FHIT: variants seen among roughly 807,000 people sequenced by gnomAD.
FHIT encodes the protein fragile histidine triad diadenosine triphosphatase, also known as bis(5'-adenosyl)-triphosphatase.
FHIT carries 19 observed loss-of-function variants against 17.9 expected under a neutral mutation model. That is an observed-to-expected ratio of 1.06 (90% CI 0.74 to 1.56). FHIT has a LOEUF of 1.56. Ranked by LOEUF, FHIT falls within the 40% of genes most tolerant of loss-of-function variation. FHIT has a pLI of 0.00. For synonymous variants in FHIT, 81 were observed against 69.7 expected, an observed-to-expected ratio of 1.16 and a Z score of -0.81; for missense variants, 248 against 189.2, an observed-to-expected ratio of 1.31 and a Z score of -1.82.
intron 4 of FHIT, among the ~76,000 whole-genome samples, chr3:60,673,603 T>C (rs1553694559): frequency 2.6e-5 from 4 of 152,048 alleles, no homozygotes; most frequent in Non-Finnish European, 5.9e-5. Flanking sequence ...GATGGTTTGA[T>C]AGGTACAGCA....
chr3:60,151,269 T>C (rs1246162045), intron 5 of FHIT, among the ~76,000 whole-genome samples: 1 of 152,216 alleles, frequency 6.6e-6, no homozygotes, highest in Admixed American at 6.5e-5. Flanking sequence ...TCATGTGATA[T>C]GACTTTATCA....
chr3:60,062,469 A>G (rs964260535), intron 5 of FHIT, among the ~76,000 whole-genome samples: 1 of 152,204 alleles, frequency 6.6e-6, no homozygotes, highest in South Asian at 2.1e-4. Flanking sequence ...ATCCATTAAG[A>G]ATTATCTCCT....
chr3:60,886,226 A>G (rs1055681930), intron 3 of FHIT, among the ~76,000 whole-genome samples: 17 of 152,244 alleles, frequency 1.1e-4, no homozygotes, highest in African/African-American at 4.1e-4. Context: ...AAATAGGCCA[A>G]TTGCCAAGCA....
intron 5 of FHIT, among the ~76,000 whole-genome samples, chr3:60,298,918 G>GA (rs1250679771): frequency 4.6e-5 from 7 of 152,096 alleles, no homozygotes; most frequent in African/African-American, 7.2e-5. Flanking sequence ...CAGTGCCAGG[G>GA]ACAGGACCCC....
rs1376735000 is a variant in FHIT, at chr3:59,825,962, G to A, written c.349-73641C>T. ...CATTTATAGTAATGTCCCTAAGGCTGCTTTCTTGCTAAAAATAAGGAATAT... is the reference window on the plus strand; with the variant it reads ...CATTTATAGTAATGTCCCTAAGGCTACTTTCTTGCTAAAAATAAGGAATAT... On this transcript the variant is annotated intron_variant, in intron 8 of 9. Coordinates refer to ENST00000492590, the MANE Select transcript of FHIT (RefSeq NM_002012.4). Among the ~76,000 whole-genome samples the A allele has an allele frequency of 3.9e-5, 6 of 152,146 alleles. No homozygotes were observed. In the South Asian group the frequency reaches 8.3e-4, roughly 21 times the overall value.
At chr3:60,400,061 G>T (rs929899752) in intron 5 of FHIT, among the ~76,000 whole-genome samples, 4 of 152,128 alleles carry the variant, frequency 2.6e-5, no homozygotes, top group African/African-American at 9.6e-5. Context: ...TGCTCTATGG[G>T]GATGGCAGTA....
chr3:60,901,653 G>C (rs567645961), intron 3 of FHIT, among the ~76,000 whole-genome samples: 1 of 152,290 alleles, frequency 6.6e-6, no homozygotes, highest in African/African-American at 2.4e-5. Flanking sequence ...ATTACCCTCT[G>C]CTAACATCTG....
At chr3:60,544,595 T>TTG (rs2036298833) in intron 4 of FHIT, among the ~76,000 whole-genome samples, 1 of 73,262 alleles carries the variant, frequency 1.4e-5, no homozygotes, top group Non-Finnish European at 2.7e-5. Flanking sequence ...TTTCTCAACC[T>TTG]ATTTTTTTTT....
chr3:60,752,672 T>G (rs1285015472), intron 4 of FHIT, among the ~76,000 whole-genome samples: 1 of 152,146 alleles, frequency 6.6e-6, no homozygotes, highest in Non-Finnish European at 1.5e-5. Flanking sequence ...CAATCATGAG[T>G]GTTTGCTGTT....
At chr3:59,986,059 G>A (rs189846448) in intron 7 of FHIT, among the ~76,000 whole-genome samples, 11 of 152,164 alleles carry the variant, frequency 7.2e-5, no homozygotes, top group Admixed American at 6.6e-4. Flanking sequence ...GTCTGCACAT[G>A]TCAAGGAATA....
intron 8 of FHIT, among the ~76,000 whole-genome samples, chr3:59,860,420 G>A (rs188737440): frequency 6.6e-6 from 1 of 152,320 alleles, no homozygotes; most frequent in East Asian, 1.9e-4. Flanking sequence ...GCAAACAGTT[G>A]CCATAGGGAA....
intron 5 of FHIT, among the ~76,000 whole-genome samples, chr3:60,419,859 C>T (rs969157114): frequency 4.6e-5 from 7 of 152,052 alleles, no homozygotes; most frequent in African/African-American, 9.7e-5. Context: ...ACTTTTTCTT[C>T]GTTTTGAAAT....
chr3:60,229,798 A>T (rs1286165055), intron 5 of FHIT, among the ~76,000 whole-genome samples: 1 of 152,204 alleles, frequency 6.6e-6, no homozygotes, highest in Non-Finnish European at 1.5e-5. Flanking sequence ...TGGGAAATAA[A>T]GCAAGTCCAT....
intron 2 of FHIT, among the ~76,000 whole-genome samples, chr3:61,132,854 GA>G (rs753376239): frequency 2.0e-5 from 3 of 150,902 alleles, no homozygotes; most frequent in African/African-American, 4.9e-5. Flanking sequence ...AGAAGTAAAA[GA>G]AAAAAAAATG....
intron 2 of FHIT, among the ~76,000 whole-genome samples, chr3:61,132,606 G>T (rs573762543): frequency 6.6e-6 from 1 of 152,274 alleles, no homozygotes; most frequent in African/African-American, 2.4e-5. Context: ...GGATTAGGAG[G>T]AGCTGACAAG....
rs1052007593 is a variant in FHIT at position 60,511,254 on chromosome 3, T to C, written c.103+25606A>G. On this transcript the variant is annotated intron_variant, in intron 5 of 9. Coordinates refer to ENST00000492590, the MANE Select transcript of FHIT (RefSeq NM_002012.4). The stretch of plus-strand genomic sequence containing the variant: ...CGTACTGAGAATGGTGCTGGAGATA[T>C]ACTAATCCTTCAATAAATATTACCT... Among the ~76,000 whole-genome samples the C allele has an allele frequency of 2.0e-5, 3 of 152,290 alleles. 1 individual carries two copies. In the South Asian group the frequency reaches 6.2e-4, roughly 32 times the overall value.
At chr3:60,560,037 A>G (rs2036881956) in intron 4 of FHIT, among the ~76,000 whole-genome samples, 1 of 151,910 alleles carries the variant, frequency 6.6e-6, no homozygotes, top group Non-Finnish European at 1.5e-5. Context: ...GCTTCAGATC[A>G]TAGCTAATAC....
At chr3:61,189,865 A>G (rs2038657048) in intron 2 of FHIT, among the ~76,000 whole-genome samples, 1 of 152,236 alleles carries the variant, frequency 6.6e-6, no homozygotes, top group African/African-American at 2.4e-5. Context: ...TGGTGCTGGG[A>G]AAACTGGCTA....
intron 8 of FHIT, among the ~76,000 whole-genome samples, chr3:59,851,563 TC>T (rs1701936753): frequency 6.6e-6 from 1 of 152,200 alleles, no homozygotes; most frequent in South Asian, 2.1e-4. Flanking sequence ...CATTCAATTA[TC>T]ACTTGATACA....
Sources: allele counts gnomAD v4.1 joint callset (sites outside exome capture counted in the v4.1 genomes callset), GRCh38; gene constraint gnomAD v4.1.1; transcripts MANE v1.5; gene names NCBI Gene and HGNC (gene_info 2026-07-23, HGNC 2026-07-21).